Variants in BMPR2 observed in about 807,000 individuals in gnomAD.
BMPR2 encodes bone morphogenetic protein receptor type 2.
Under a neutral mutation model 100.8 loss-of-function variants are expected in BMPR2, and 29 were observed. The observed-to-expected ratio is 0.29, with a 90% CI of 0.21 to 0.39. The LOEUF (loss-of-function observed/expected upper bound fraction) is 0.39. BMPR2 is among the 10% of genes least tolerant of loss of function. BMPR2 has a pLI of 1.00. For missense variants in BMPR2, 1,011 were observed against 1,274.5 expected (o/e 0.79, Z 3.15); for synonymous variants, 382 against 442.3 (o/e 0.86, Z 1.71).
intron 1 of BMPR2, among the ~76,000 whole-genome samples, chr2:202,386,707 G>A (rs917920721): frequency 6.6e-6 from 1 of 150,976 alleles, no homozygotes; most frequent in African/African-American, 2.4e-5. Context: ...GCCAGACAGA[G>A]TCTTGCTCTG....
In BMPR2 at chr2:202,560,499, T is replaced by C. The variant is rs923593952; in HGVS notation, c.*553T>C. On this transcript the variant is annotated 3_prime_UTR_variant, in exon 13 of 13. Coordinates refer to ENST00000374580, the MANE Select transcript of BMPR2 (RefSeq NM_001204.7). ...CAAATAAGCTTTCTTGTAAGCTCTCTTCCTAACAGGGCACATATTCTTCCA... is the reference window on the plus strand; with the variant it reads ...CAAATAAGCTTTCTTGTAAGCTCTCCTCCTAACAGGGCACATATTCTTCCA... 1.9e-5 allele frequency: 3 copies of C among 159,272 alleles called. No homozygotes were observed. The highest frequency in any genetic ancestry group is 7.2e-5 in the African/African-American group (3 of 41,488). 9.9% of individuals were successfully genotyped at this position (159,272 alleles called of 1,614,324 possible).
At chr2:202,482,013 A>G (rs1463286683) in intron 3 of BMPR2, among the ~76,000 whole-genome samples, 5 of 152,110 alleles carry the variant, frequency 3.3e-5, no homozygotes, top group African/African-American at 7.2e-5. Flanking sequence ...CCCTCCAGCC[A>G]CCCTCTACTT....
At chr2:202,431,073 C>T (rs1691493951) in intron 1 of BMPR2, among the ~76,000 whole-genome samples, 1 of 150,552 alleles carries the variant, frequency 6.6e-6, no homozygotes, top group Non-Finnish European at 1.5e-5. Flanking sequence ...GATATATTTC[C>T]TCAGCTGTTA....
At chr2:202,469,697 T>C (rs1186723679) in intron 3 of BMPR2, among the ~76,000 whole-genome samples, 1 of 151,912 alleles carries the variant, frequency 6.6e-6, no homozygotes, top group Non-Finnish European at 1.5e-5. Flanking sequence ...CAGGCTGGTC[T>C]CAAATTCCCG....
intron 1 of BMPR2, among the ~76,000 whole-genome samples, chr2:202,386,064 C>G (rs1205814038): frequency 2.0e-5 from 3 of 152,144 alleles, no homozygotes; most frequent in African/African-American, 2.4e-5. Context: ...ACCTCACCAG[C>G]AACTTTGATA....
At position 202,560,586 on chromosome 2, in the gene BMPR2, AT is replaced by A. The variant is rs1384916796; in HGVS notation, c.*644del. 1 of 152,884 alleles carries A rather than the reference AT, an allele frequency of 6.5e-6. No homozygotes were observed. The highest frequency in any genetic ancestry group is 2.4e-5 in the African/African-American group (1 of 41,442). The allele number at this position is 152,884 out of a possible 1,614,324, so 9.5% of individuals were successfully genotyped here. On this transcript the variant is annotated 3_prime_UTR_variant, in exon 13 of 13. Coordinates refer to ENST00000374580, the MANE Select transcript of BMPR2 (RefSeq NM_001204.7). ...TTGAAGGTCAGTTCTATGACAGTGAATTTTGCACAGGAGAAGCAGCTACCTG... is the reference window on the plus strand; with the variant it reads ...TTGAAGGTCAGTTCTATGACAGTGAATTTGCACAGGAGAAGCAGCTACCTG...
chr2:202,556,518 C>T lies in BMPR2; in HGVS notation c.2853C>T (p.Gly951=). Residue 951 remains glycine, a synonymous_variant, in exon 12 of 13, where the codon GGC becomes GGT. Transcript: ENST00000374580. Reference sequence around the variant, plus strand: ...TTTCAGCCACAAATGTCCTGGATGGCAGCAGTATACAGAGTAAGTGGAGGG... The same window carrying T: ...TTTCAGCCACAAATGTCCTGGATGGTAGCAGTATACAGAGTAAGTGGAGGG... ...LDLSATNVLD[G]SSIQIGESTQ... 3.7e-6 allele frequency: 6 copies of T among 1,612,804 alleles called. No individual in the cohort carries two copies. The highest frequency in any genetic ancestry group is 4.2e-6 in the Non-Finnish European group (5 of 1,180,016).
chr2:202,519,436 G>C (rs962184450), intron 6 of BMPR2, among the ~76,000 whole-genome samples: 1 of 152,220 alleles, frequency 6.6e-6, no homozygotes, highest in Non-Finnish European at 1.5e-5. Flanking sequence ...CTGTATTACA[G>C]ATAGAGCATT....
At chr2:202,459,336 T>G (rs545869644) in intron 1 of BMPR2, among the ~76,000 whole-genome samples, 2 of 152,354 alleles carry the variant, frequency 1.3e-5, no homozygotes, top group South Asian at 4.1e-4. Flanking sequence ...TTAAGAATTT[T>G]CTTTACATTT....
intron 3 of BMPR2, among the ~76,000 whole-genome samples, chr2:202,478,709 A>G (rs1692598070): frequency 6.6e-6 from 1 of 152,202 alleles, no homozygotes; most frequent in South Asian, 2.1e-4. Flanking sequence ...AGCAGTTTCA[A>G]TAGTAACTTG....
intron 3 of BMPR2, among the ~76,000 whole-genome samples, chr2:202,477,286 A>G (rs567766064): frequency 1.3e-5 from 2 of 152,308 alleles, no homozygotes; most frequent in South Asian, 4.1e-4. Flanking sequence ...AACTATTACA[A>G]ACATCCTCCC....
chr2:202,396,905 C>A (rs2105907533), intron 1 of BMPR2, among the ~76,000 whole-genome samples: 1 of 152,214 alleles, frequency 6.6e-6, no homozygotes, highest in African/African-American at 2.4e-5. Context: ...TCAAGCAATT[C>A]TCCTGCCTCA....
chr2:202,379,778 T>C (rs1462270762), intron 1 of BMPR2, among the ~76,000 whole-genome samples: 1 of 152,156 alleles, frequency 6.6e-6, no homozygotes, highest in East Asian at 1.9e-4. Flanking sequence ...GGATAAATCA[T>C]TTCTTTTGAT....
intron 11 of BMPR2, among the ~76,000 whole-genome samples, chr2:202,553,451 AT>A (rs1323796497): frequency 1.3e-5 from 2 of 152,072 alleles, no homozygotes; most frequent in Non-Finnish European, 2.9e-5. Context: ...TAGAACTATG[AT>A]TTTTGGTTCT....
chr2:202,503,736 C>T lies in BMPR2; in HGVS notation c.419-9983C>T, dbSNP rs1687458076. On this transcript the variant is annotated intron_variant, in intron 3 of 12. Transcript: ENST00000374580. This position sits in a 1 kb window ranked among gnomAD's most constrained non-coding sequence, Gnocchi z 4.0. ...CACGGCGCCCAGTCCCATCAACCAC[C>T]CAAGGGCTGAGGAGTGTGAGCGCAC... 6.6e-6 allele frequency among the ~76,000 whole-genome samples: 1 copy of T among 152,194 alleles called. No homozygotes were observed. The highest frequency in any genetic ancestry group is 2.1e-4 in the South Asian group (1 of 4,838).
intron 3 of BMPR2, among the ~76,000 whole-genome samples, chr2:202,494,283 A>G (rs939318219): frequency 6.6e-6 from 1 of 152,174 alleles, no homozygotes; most frequent in African/African-American, 2.4e-5. Flanking sequence ...CTAATCCCCA[A>G]TTTGCCTTTC....
At position 202,508,337 on chromosome 2, in the gene BMPR2, C is replaced by T. The variant is rs187990764; in HGVS notation, c.419-5382C>T. Among the ~76,000 whole-genome samples the T allele has an allele frequency of 5.3e-3, 809 of 152,106 alleles. 9 individuals carry two copies. The highest frequency in any genetic ancestry group is 8.6e-3 in the Non-Finnish European group (585 of 68,000). On this transcript the variant is annotated intron_variant, in intron 3 of 12. Coordinates refer to ENST00000374580, the MANE Select transcript of BMPR2 (RefSeq NM_001204.7). ...CAAACTCCTGACCTCGTGATCCACC[C>T]GCCTGGGTCTCCCAAAGTGCTGGGA...
rs766067459 is a variant in BMPR2, at chr2:202,539,762, TA to T, written c.1277-2542del. Among the ~76,000 whole-genome samples, 31 of 151,874 alleles carry T rather than the reference TA, an allele frequency of 2.0e-4. No homozygotes were observed. The East Asian group carries it at 4.6e-3, about 23-fold the overall frequency. On this transcript the variant is annotated intron_variant, in intron 9 of 12. Coordinates refer to ENST00000374580, the MANE Select transcript of BMPR2 (RefSeq NM_001204.7). ...AATAAGTGTAATTTGAGAAGGGAGCTAAAAAAAGGTCTGTAACTGGTAGAGA... is the reference window on the plus strand; with the variant it reads ...AATAAGTGTAATTTGAGAAGGGAGCTAAAAAAGGTCTGTAACTGGTAGAGA...
intron 7 of BMPR2, among the ~76,000 whole-genome samples, chr2:202,528,742 A>G (rs1687964259): frequency 6.6e-6 from 1 of 152,214 alleles, no homozygotes; most frequent in South Asian, 2.1e-4. Flanking sequence ...ATAAAAAGGA[A>G]TGAAGTATGG....
Sources: allele counts gnomAD v4.1 joint callset (sites outside exome capture counted in the v4.1 genomes callset), GRCh38; gene constraint gnomAD v4.1.1; non-coding constraint Gnocchi (gnomAD v3.1); transcripts MANE v1.5; gene names NCBI Gene and HGNC (gene_info 2026-07-23, HGNC 2026-07-21).